The following SAMSN1 variants were observed in gnomAD, a reference collection of about 807,000 sequenced individuals.
The protein encoded by SAMSN1 is SAM domain, SH3 domain and nuclear localization signals 1, also known as SAM domain-containing protein SAMSN-1.
A neutral mutation model predicts 42.0 loss-of-function variants in SAMSN1; 31 were observed. The observed-to-expected ratio is 0.74, with a 90% CI of 0.55 to 1.00. The LOEUF (loss-of-function observed/expected upper bound fraction) is 1.00, where lower values mean the gene tolerates loss of function less well. SAMSN1 is among the 50% of genes least tolerant of loss of function. SAMSN1 has a pLI of 0.00. For synonymous variants in SAMSN1, 178 were observed against 151.9 expected, an observed-to-expected ratio of 1.17 and a Z score of -1.26; for missense variants, 464 against 439.4, an observed-to-expected ratio of 1.06 and a Z score of -0.50.
At chr21:14,576,996 G>C (rs1224984028) in intron 2 of SAMSN1, among the ~76,000 whole-genome samples, 1 of 147,362 alleles carries the variant, frequency 6.8e-6, no homozygotes, top group Non-Finnish European at 1.5e-5. Context: ...TTAGAAATTT[G>C]AGAGGAGGAA....
At chr21:14,497,024 T>C (rs1023326637) in intron 7 of SAMSN1, among the ~76,000 whole-genome samples, 6 of 152,136 alleles carry the variant, frequency 3.9e-5, no homozygotes, top group African/African-American at 1.4e-4. Context: ...TAAATAACGC[T>C]TTCCTCCCTC....
intron 2 of SAMSN1, among the ~76,000 whole-genome samples, chr21:14,631,556 C>T (rs1983328885): frequency 6.6e-6 from 1 of 152,092 alleles, no homozygotes. Flanking sequence ...TTAATAGAGA[C>T]AGGGTTCACC....
At chr21:14,644,013 T>C (rs1600981736) in intron 1 of SAMSN1, among the ~76,000 whole-genome samples, 1 of 152,258 alleles carries the variant, frequency 6.6e-6, no homozygotes, top group East Asian at 1.9e-4. Context: ...ATCCCAATGG[T>C]CCAAGGTTGA....
chr21:14,505,313 T>C (rs1987348353), intron 5 of SAMSN1, among the ~76,000 whole-genome samples: 1 of 152,234 alleles, frequency 6.6e-6, no homozygotes, highest in East Asian at 1.9e-4. Context: ...AATTGCAGAA[T>C]GGATAAGATT....
chr21:14,525,391 A>G (rs1320312210), intron 1 of SAMSN1, among the ~76,000 whole-genome samples: 3 of 152,212 alleles, frequency 2.0e-5, no homozygotes, highest in Non-Finnish European at 4.4e-5. Context: ...AAAAATACAG[A>G]CAAGAAAATA....
intron 1 of SAMSN1, among the ~76,000 whole-genome samples, chr21:14,530,069 C>A (rs1429311235): frequency 6.6e-6 from 1 of 152,160 alleles, no homozygotes; most frequent in Non-Finnish European, 1.5e-5. Context: ...GCAATCCCAG[C>A]ACTTTGGGAG....
intron 2 of SAMSN1, among the ~76,000 whole-genome samples, chr21:14,617,902 T>G (rs1228555575): frequency 6.6e-6 from 1 of 152,236 alleles, no homozygotes; most frequent in Admixed American, 6.5e-5. Context: ...GTCTCCTGTA[T>G]CACCTGGGTG....
chr21:14,609,945 C>T (rs927568739), intron 4 of SAMSN1, among the ~76,000 whole-genome samples: 7 of 152,294 alleles, frequency 4.6e-5, no homozygotes, highest in African/African-American at 1.4e-4. Context: ...TTACTTTAAT[C>T]TCTTAATCCT....
chr21:14,573,312 G>T (rs2064024), intron 2 of SAMSN1, among the ~76,000 whole-genome samples: 97,664 of 152,080 alleles, frequency 0.64, 33,881 homozygotes, highest in African/African-American at 0.9. Context: ...AAATAGCATT[G>T]AAAAGGATTT....
intron 1 of SAMSN1, among the ~76,000 whole-genome samples, chr21:14,526,073 A>G (rs1978836130): frequency 6.6e-6 from 1 of 152,062 alleles, no homozygotes. Flanking sequence ...TGACCGTGTT[A>G]GCCAGGCTGA....
chr21:14,490,220 A>G (rs1986624939), intron 7 of SAMSN1, among the ~76,000 whole-genome samples: 1 of 152,198 alleles, frequency 6.6e-6, no homozygotes, highest in Non-Finnish European at 1.5e-5. Flanking sequence ...CTCTCAATAA[A>G]TAATTTTTTA....
At chr21:14,549,753 A>G (rs1980538445), upstream of SAMSN1, among the ~76,000 whole-genome samples, 1 of 152,118 alleles carries the variant, frequency 6.6e-6, no homozygotes, top group Non-Finnish European at 1.5e-5. Context: ...ATGATTAAGA[A>G]AAGGAGTCAA....
chr21:14,631,469 G>A (rs1234887137), intron 2 of SAMSN1, among the ~76,000 whole-genome samples: 2 of 152,178 alleles, frequency 1.3e-5, no homozygotes, highest in African/African-American at 4.8e-5. Context: ...CTGGGTTCAA[G>A]CGATTCTCCT....
intron 3 of SAMSN1, among the ~76,000 whole-genome samples, chr21:14,615,219 C>G (rs1238384649): frequency 6.6e-6 from 1 of 152,010 alleles, no homozygotes; most frequent in Admixed American, 6.6e-5. Flanking sequence ...CTACACCAGC[C>G]TGACAGGTCC....
intron 4 of SAMSN1, among the ~76,000 whole-genome samples, chr21:14,511,071 A>G (rs1203299847): frequency 6.6e-6 from 1 of 152,192 alleles, no homozygotes; most frequent in Non-Finnish European, 1.5e-5. Flanking sequence ...AATGGCTCCC[A>G]GTGGAAGTAA....
intron 7 of SAMSN1, among the ~76,000 whole-genome samples, chr21:14,487,999 CT>C (rs904151712): frequency 4.0e-5 from 6 of 151,630 alleles, no homozygotes; most frequent in South Asian, 2.1e-4. Context: ...TTTCTAAGCC[CT>C]TTTTTTTAAT....
At chr21:14,578,680 C>CAAAAAAAAAAA (rs769354531) in intron 2 of SAMSN1, among the ~76,000 whole-genome samples, 3 of 63,694 alleles carry the variant, frequency 4.7e-5, no homozygotes, top group Admixed American at 2.1e-4. Flanking sequence ...GAGAATCCAT[C>CAAAAAAAAAAA]AAAAAAAAAA....
At chr21:14,538,147 G>A (rs1364524691) in intron 1 of SAMSN1, among the ~76,000 whole-genome samples, 2 of 152,108 alleles carry the variant, frequency 1.3e-5, no homozygotes, top group Non-Finnish European at 2.9e-5. Context: ...TGGAGCGGAC[G>A]GAGGTAATAA....
At chr21:14,542,907 C>T (rs1980136005) in intron 1 of SAMSN1, among the ~76,000 whole-genome samples, 1 of 152,130 alleles carries the variant, frequency 6.6e-6, no homozygotes, top group Non-Finnish European at 1.5e-5. Flanking sequence ...TATGTGATTG[C>T]ACCACATCAA....
Sources: gnomAD v4.1 joint callset for allele counts (sites outside exome capture counted in the v4.1 genomes callset) on GRCh38, gnomAD v4.1.1 for gene constraint, MANE v1.5 for transcripts, NCBI Gene and HGNC (gene_info 2026-07-23, HGNC 2026-07-21) for gene names.